DARS2: variants seen among roughly 807,000 people sequenced by gnomAD.
The protein encoded by DARS2 is aspartyl-tRNA synthetase 2, mitochondrial.
Under a neutral mutation model 83.0 loss-of-function variants are expected in DARS2, and 63 were observed. The observed-to-expected ratio is 0.76, with a 90% CI of 0.62 to 0.94. The LOEUF is 0.94. DARS2 is among the 40% of genes least tolerant of loss of function. The pLI, the probability that DARS2 is intolerant of heterozygous loss-of-function variation, is 0.00. For missense variants in DARS2, 675 were observed against 774.4 expected (o/e 0.87, Z 1.52); for synonymous variants, 250 against 269.3 (o/e 0.93, Z 0.70).
At chr1:173,829,414 A>T (rs1316993657) in intron 3 of DARS2, among the ~76,000 whole-genome samples, 1 of 152,148 alleles carries the variant, frequency 6.6e-6, no homozygotes, top group East Asian at 1.9e-4. Flanking sequence ...TCAAAAAAGT[A>T]TTTAATTTAA....
In DARS2 at chr1:173,825,425, TATTCC is replaced by T. The variant is rs1652456135; in HGVS notation, c.127+73_127+77del. On this transcript the variant is annotated intron_variant, in intron 1 of 16. Coordinates refer to ENST00000649689, the MANE Select transcript of DARS2 (RefSeq NM_018122.5). Reference sequence around the variant, plus strand: ...CTGTTATCTACGGCCGGAGAGCTTTTATTCCATTTTTCATTTTTTCCCCCATTATT... The same window carrying T: ...CTGTTATCTACGGCCGGAGAGCTTTTATTTTTCATTTTTTCCCCCATTATT... 2.8e-6 allele frequency: 4 copies of T among 1,430,654 alleles called. No individual in the cohort carries two copies. In the Admixed American group the frequency reaches 7.8e-5, roughly 28 times the overall value. 88.6% of individuals were successfully genotyped at this position (1,430,654 alleles called of 1,614,324 possible). A position where few individuals can be genotyped will look rare whatever the true frequency, so the allele number is the denominator to read the frequency against.
chr1:173,828,018 T>A (rs1361327572), intron 2 of DARS2, among the ~76,000 whole-genome samples: 3 of 152,176 alleles, frequency 2.0e-5, no homozygotes, highest in African/African-American at 7.2e-5. Context: ...TTTCTTTTAA[T>A]TGTTCATCTA....
intron 3 of DARS2, among the ~76,000 whole-genome samples, chr1:173,828,686 A>G (rs1487705321): frequency 6.6e-6 from 1 of 152,212 alleles, no homozygotes; most frequent in Non-Finnish European, 1.5e-5. Context: ...TGTGAATTGA[A>G]ACTGCATGTA....
At position 173,825,192 on chromosome 1, in the gene DARS2, G is replaced by T; in HGVS notation, c.-38G>T. On this transcript the variant is annotated 5_prime_UTR_variant, in exon 1 of 17. Transcript: ENST00000649689. ...TGACTTTTAACTACCGGCAGCGTGG[G>T]ATTTCGTGATTGTTTTTCGCCATCG... 6.2e-7 allele frequency: 1 copy of T among 1,605,246 alleles called. No individual in the cohort carries two copies. The highest frequency in any genetic ancestry group is 8.5e-7 in the Non-Finnish European group (1 of 1,174,224).
chr1:173,850,604 T>TA (rs1381199177), intron 13 of DARS2, 125 bp downstream of exon 13: 94 of 851,198 alleles, frequency 1.1e-4, no homozygotes, highest in East Asian at 1.6e-4. Flanking sequence ...TCTGCATAAA[T>TA]CTTTTTTTTT....
At chr1:173,847,088 A>G (rs964424539) in intron 12 of DARS2, among the ~76,000 whole-genome samples, 1 of 152,172 alleles carries the variant, frequency 6.6e-6, no homozygotes, top group Admixed American at 6.6e-5. Flanking sequence ...AAGCACAACG[A>G]ACAATAAGTA....
chr1:173,844,112 A>G (rs1214574099), intron 11 of DARS2, among the ~76,000 whole-genome samples: 1 of 152,184 alleles, frequency 6.6e-6, no homozygotes, highest in Non-Finnish European at 1.5e-5. Flanking sequence ...AAGGAGGGGG[A>G]ATACACCCCA....
In DARS2 at chr1:173,830,670, CTG is replaced by C; in HGVS notation, c.308_309del (p.Val103GlufsTer6). On this transcript the variant is annotated frameshift_variant, in exon 4 of 17. Coordinates refer to ENST00000649689, the MANE Select transcript of DARS2 (RefSeq NM_018122.5). LOFTEE classifies it high-confidence loss of function. ...CCCCTTGTTCTGTAGTCGGCAGCCTCTGTGAAGAAGATTTTATGTGAAGCCCC... is the reference window on the plus strand; with the variant it reads ...CCCCTTGTTCTGTAGTCGGCAGCCTCTGAAGAAGATTTTATGTGAAGCCCC... 2 of 1,613,798 alleles carry C rather than the reference CTG, an allele frequency of 1.2e-6. No homozygotes were observed. The highest frequency in any genetic ancestry group is 1.7e-6 in the Non-Finnish European group (2 of 1,179,708).
At chr1:173,847,807 G>A (rs916816953) in intron 12 of DARS2, among the ~76,000 whole-genome samples, 1 of 138,322 alleles carries the variant, frequency 7.2e-6, no homozygotes, top group Non-Finnish European at 1.5e-5. Context: ...ACCTCACCTA[G>A]TTACTCTGTA....
Position 173,828,313 on chromosome 1 carries a change from T to TGGGG in DARS2, c.228-20_228-19insGGGG. The TGGGG allele has an allele frequency of 6.0e-5, 74 of 1,230,596 alleles. No homozygotes were observed. The highest frequency in any genetic ancestry group is 8.1e-5 in the Non-Finnish European group (70 of 867,012). The allele number at this position is 1,230,596 out of a possible 1,614,324, so 76.2% of individuals were successfully genotyped here. ...AGATTTTATCTTAAAATGTTTCTTT[T>TGGGG]CCCCCCCCCCATTAATCAGGCAAAA... On this transcript the variant is annotated intron_variant, in intron 2 of 16. Transcript: ENST00000649689.
At chr1:173,851,484 T>C (rs1346994594) in intron 13 of DARS2, among the ~76,000 whole-genome samples, 1 of 152,116 alleles carries the variant, frequency 6.6e-6, no homozygotes, top group Non-Finnish European at 1.5e-5. Flanking sequence ...ATCAGACCAC[T>C]GGCGAGCTGG....
chr1:173,853,635 G>A (rs1653757362), intron 14 of DARS2, 68 bp downstream of exon 14: 2 of 1,573,332 alleles, frequency 1.3e-6, no homozygotes, highest in Non-Finnish European at 1.7e-6. Context: ...CAGACTTCAA[G>A]GTCTGATGAA....
rs1457617774 is a variant in DARS2 at position 173,853,532 on chromosome 1, A to G, written c.1528A>G (p.Ser510Gly). 1 of 1,613,934 alleles carries G rather than the reference A, an allele frequency of 6.2e-7. No homozygotes were observed. Among genetic ancestry groups the G allele is most frequent in the African/African-American group, 1.3e-5 (1 of 74,888 alleles). Residue 510 changes from serine (S) to glycine (G), a missense_variant, in exon 14 of 17, where the codon AGT becomes GGT. By Grantham distance (56) the Ser-to-Gly change is moderately conservative. Coordinates refer to ENST00000649689, the MANE Select transcript of DARS2 (RefSeq NM_018122.5). The part of the protein sequence containing the change: ...AHHPFTAPHP[S>G]DIHLLYTEPK... ...CCACCCATTTACTGCTCCCCACCCC[A>G]GTGACATACATCTCCTGTACACTGA...
At chr1:173,836,865 A>G (rs1653023244) in intron 7 of DARS2, 75 bp from the exon 8 acceptor site, 3 of 1,176,888 alleles carry the variant, frequency 2.5e-6, no homozygotes, top group African/African-American at 3.0e-5. Context: ...AACAACTTCT[A>G]CTAGTTAGTT....
intron 3 of DARS2, 134 bp from the exon 4 acceptor site, chr1:173,830,526 A>G (rs910496282): frequency 1.3e-6 from 1 of 745,102 alleles, no homozygotes; most frequent in Non-Finnish European, 2.4e-6. Context: ...TAATAAAGTC[A>G]TTAAGGAGCA....
chr1:173,836,731 C>T (rs1653018834), intron 7 of DARS2, among the ~76,000 whole-genome samples: 1 of 152,128 alleles, frequency 6.6e-6, no homozygotes, highest in Non-Finnish European at 1.5e-5. Context: ...TTAACACCTA[C>T]CGTATACAAT....
At chr1:173,838,413 TC>T (rs1653086078) in intron 9 of DARS2, among the ~76,000 whole-genome samples, 154 bp downstream of exon 9, 1 of 147,456 alleles carries the variant, frequency 6.8e-6, no homozygotes, top group Non-Finnish European at 1.5e-5. Flanking sequence ...AACTAATTAT[TC>T]TTTTTTTTTT....
rs770525873 is a variant in DARS2 at position 173,856,670 on chromosome 1, A to T, written c.1679A>T (p.Asp560Val). ...RYILATLLKE[D>V]VKMLSHLLQA... The stretch of plus-strand genomic sequence containing the variant: ...GAATTATCTTTTGAATTTCAGGAGG[A>T]TGTGAAAATGCTCTCCCATCTGCTC... Residue 560 changes from aspartate to valine, a missense_variant, in exon 16 of 17, where the codon GAT (aspartate) becomes GTT (valine). Coordinates refer to ENST00000649689, the MANE Select transcript of DARS2 (RefSeq NM_018122.5). 4 of 1,613,872 alleles carry T rather than the reference A, an allele frequency of 2.5e-6. No individual in the cohort carries two copies. The highest frequency in any genetic ancestry group is 2.5e-6 in the Non-Finnish European group (3 of 1,179,838).
At position 173,828,320 on chromosome 1, in the gene DARS2, C is replaced by A. The variant is rs549430098; in HGVS notation, c.228-13C>A. On this transcript the variant is annotated splice_polypyrimidine_tract_variant and intron_variant, in intron 2 of 16. Transcript: ENST00000649689. ...ATCTTAAAATGTTTCTTTTCCCCCCCCCCATTAATCAGGCAAAACACATTC... is the reference window on the plus strand; with the variant it reads ...ATCTTAAAATGTTTCTTTTCCCCCCACCCATTAATCAGGCAAAACACATTC... The A allele has an allele frequency of 8.7e-5, 119 of 1,362,112 alleles. 3 individuals are homozygous for A. The South Asian group carries it at 1.3e-3, about 15-fold the overall frequency. The allele number at this position is 1,362,112 out of a possible 1,614,324, so 84.4% of individuals were successfully genotyped here.
Sources: gnomAD v4.1 joint callset for allele counts (sites outside exome capture counted in the v4.1 genomes callset) on GRCh38, gnomAD v4.1.1 for gene constraint, MANE v1.5 for transcripts, NCBI Gene and HGNC (gene_info 2026-07-23, HGNC 2026-07-21) for gene names.